The following AGAP1 variants were observed in gnomAD, a reference collection of about 807,000 sequenced individuals.
AGAP1 encodes ArfGAP with GTPase domain, ankyrin repeat and PH domain 1.
In AGAP1, 29 loss-of-function variants were observed where a neutral mutation model predicts 105.3. That is an observed-to-expected ratio of 0.28 (90% CI 0.21 to 0.38). AGAP1 has a LOEUF of 0.38. Ranked by LOEUF, AGAP1 falls within the 10% of genes least tolerant of loss-of-function variation. The probability of loss-of-function intolerance (pLI) is 1.00; values close to 1 mark genes in which losing one functional copy is unlikely to be tolerated. For missense variants in AGAP1, 998 were observed against 1,165.1 expected (o/e 0.86, Z 2.09); for synonymous variants, 509 against 485.9 (o/e 1.05, Z -0.63).
intron 12 of AGAP1, among the ~76,000 whole-genome samples, chr2:235,941,873 T>C (rs1245751136): frequency 6.6e-6 from 1 of 152,030 alleles, no homozygotes; most frequent in Non-Finnish European, 1.5e-5. Flanking sequence ...GGGCGGACAC[T>C]GAAGGCGAAG....
At chr2:236,084,360 A>AT (rs2125845908) in intron 16 of AGAP1, among the ~76,000 whole-genome samples, 1 of 152,300 alleles carries the variant, frequency 6.6e-6, no homozygotes, top group African/African-American at 2.4e-5. Flanking sequence ...ATCATTCTGG[A>AT]ACGAATGATA....
rs2050520319 is a variant in AGAP1, at chr2:235,891,112, AG to A, written c.1155+7666del. On this transcript the variant is annotated intron_variant, in intron 10 of 17. Coordinates refer to ENST00000304032, the MANE Select transcript of AGAP1 (RefSeq NM_001037131.3). This position sits in a 1 kb window ranked among gnomAD's most constrained non-coding sequence, Gnocchi z 4.2. Reference sequence around the variant, plus strand: ...TTTTCTGCAGGACTGAGGGGTTCCCAGGGTGCAGGACTTTCATAGCTAACAT... The same window carrying A: ...TTTTCTGCAGGACTGAGGGGTTCCCAGGTGCAGGACTTTCATAGCTAACAT... 6.6e-6 allele frequency among the ~76,000 whole-genome samples: 1 copy of A among 152,170 alleles called. No individual in the cohort carries two copies. The highest frequency in any genetic ancestry group is 2.4e-5 in the African/African-American group (1 of 41,448).
At chr2:235,554,191 T>C (rs976066232) in intron 1 of AGAP1, among the ~76,000 whole-genome samples, 6 of 152,262 alleles carry the variant, frequency 3.9e-5, no homozygotes, top group African/African-American at 1.4e-4. Flanking sequence ...TTAGGAACTC[T>C]GATCTTGAGC....
Position 235,799,912 on chromosome 2 carries a change from T to C in AGAP1, c.957+390T>C, listed in dbSNP as rs891376360. Among the ~76,000 whole-genome samples the C allele has an allele frequency of 1.3e-5, 2 of 152,038 alleles. No homozygotes were observed. Among genetic ancestry groups the C allele is most frequent in the African/African-American group, 2.4e-5 (1 of 41,418 alleles). On this transcript the variant is annotated intron_variant, in intron 8 of 17. Coordinates refer to ENST00000304032, the MANE Select transcript of AGAP1 (RefSeq NM_001037131.3). The surrounding 1 kb of genome is among the most constrained non-coding windows in gnomAD (Gnocchi z 5.0). ...CTATTACTGTCCACAGGCCCTCTTCTTCTTCTGCTGGGGTGCCTGGCGCTG... is the reference window on the plus strand; with the variant it reads ...CTATTACTGTCCACAGGCCCTCTTCCTCTTCTGCTGGGGTGCCTGGCGCTG...
At chr2:235,668,687 GTATC>G (rs763633260) in intron 1 of AGAP1, among the ~76,000 whole-genome samples, 30 of 152,216 alleles carry the variant, frequency 2.0e-4, no homozygotes, top group Non-Finnish European at 4.0e-4. Flanking sequence ...TCCTAGACCA[GTATC>G]TATCAGCCCA....
chr2:235,840,449 CT>C (rs973893016), intron 9 of AGAP1, among the ~76,000 whole-genome samples: 1 of 152,236 alleles, frequency 6.6e-6, no homozygotes, highest in African/African-American at 2.4e-5. Flanking sequence ...CCTTAGCCTC[CT>C]TTTCTATACT....
chr2:235,647,273 A>G (rs1947423478), intron 1 of AGAP1, among the ~76,000 whole-genome samples: 1 of 146,950 alleles, frequency 6.8e-6, no homozygotes. Context: ...ATGTGATCAC[A>G]GTCTGCCCTG....
chr2:235,966,298 A>G (rs1427637359), intron 12 of AGAP1, among the ~76,000 whole-genome samples: 3 of 123,608 alleles, frequency 2.4e-5, no homozygotes, highest in African/African-American at 9.2e-5. Flanking sequence ...CTGGGGATGG[A>G]GAAGAGGGGG....
chr2:235,527,918 A>G (rs1223542228), intron 1 of AGAP1, among the ~76,000 whole-genome samples: 1 of 152,238 alleles, frequency 6.6e-6, no homozygotes. Context: ...CAATATCATA[A>G]GTAGAGCATC....
intron 1 of AGAP1, among the ~76,000 whole-genome samples, chr2:235,530,031 C>T (rs1942988137): frequency 6.6e-6 from 1 of 152,112 alleles, no homozygotes; most frequent in Admixed American, 6.5e-5. Context: ...AAATGAGCCC[C>T]CAGACACTAA....
intron 8 of AGAP1, among the ~76,000 whole-genome samples, chr2:235,804,516 G>A (rs1474640717): frequency 6.6e-6 from 1 of 152,208 alleles, no homozygotes; most frequent in African/African-American, 2.4e-5. Flanking sequence ...AGCAGCCGTT[G>A]ACTTAGCCAC....
rs577053781 is a variant in AGAP1 at position 235,729,879 on chromosome 2, A to T, written c.311-11084A>T. ...AGTTTCTTTAAAGGGTTGTAAACAT[A>T]AAAACAAAGAAGGATACAACATGCA... is the stretch of plus-strand genomic sequence containing the variant. On this transcript the variant is annotated intron_variant, in intron 3 of 17. Transcript: ENST00000304032. The surrounding 1 kb of genome is among the most constrained non-coding windows in gnomAD (Gnocchi z 5.0). Among the ~76,000 whole-genome samples the T allele has an allele frequency of 5.9e-5, 9 of 152,252 alleles. No homozygotes were observed. Among genetic ancestry groups the T allele is most frequent in the Non-Finnish European group, 2.9e-5 (2 of 68,030 alleles).
In AGAP1 at chr2:235,875,697, A is replaced by G. The variant is rs2049691984; in HGVS notation, c.1051-7648A>G. 6.6e-6 allele frequency among the ~76,000 whole-genome samples: 1 copy of G among 152,054 alleles called. No homozygotes were observed. The highest frequency in any genetic ancestry group is 2.1e-4 in the South Asian group (1 of 4,812). ...GCATTTGCTTATGGGGCGCCATGAC[A>G]CCAACACATGGAGCCACTTGGAGAC... On this transcript the variant is annotated intron_variant, in intron 9 of 17. Coordinates refer to ENST00000304032, the MANE Select transcript of AGAP1 (RefSeq NM_001037131.3). This position sits in a 1 kb window ranked among gnomAD's most constrained non-coding sequence, Gnocchi z 4.0.
chr2:235,537,397 AGCAGGGAGGCCAG>A (rs1168449025), intron 1 of AGAP1, among the ~76,000 whole-genome samples: 2 of 152,148 alleles, frequency 1.3e-5, no homozygotes, highest in Non-Finnish European at 2.9e-5. Context: ...AGCTCAGGGA[AGCAGGGAGGCCAG>A]GCGGGGAGGC....
intron 12 of AGAP1, among the ~76,000 whole-genome samples, chr2:235,947,532 A>G (rs746732460): frequency 3.9e-5 from 6 of 152,234 alleles, no homozygotes; most frequent in East Asian, 1.9e-4. Flanking sequence ...TTATGCTGCT[A>G]TAAACATGCA....
At chr2:235,537,800 T>C (rs1574797339) in intron 1 of AGAP1, among the ~76,000 whole-genome samples, 1 of 152,188 alleles carries the variant, frequency 6.6e-6, no homozygotes, top group Admixed American at 6.5e-5. Flanking sequence ...CTGCTGGCAG[T>C]CACTTGTGTG....
rs894920607 is a variant in AGAP1, at chr2:235,729,611, C to A, written c.311-11352C>A. On this transcript the variant is annotated intron_variant, in intron 3 of 17. Coordinates refer to ENST00000304032, the MANE Select transcript of AGAP1 (RefSeq NM_001037131.3). The surrounding 1 kb of genome is among the most constrained non-coding windows in gnomAD (Gnocchi z 5.0). ...CTTGGTTATTCTTGGGGACCAAAAT[C>A]CAAGCTAGGATGGGGACAGAGGCCT... is the stretch of plus-strand genomic sequence containing the variant. Among the ~76,000 whole-genome samples, 4 of 152,094 alleles carry A rather than the reference C, an allele frequency of 2.6e-5. No individual in the cohort carries two copies. The highest frequency in any genetic ancestry group is 5.9e-5 in the Non-Finnish European group (4 of 68,036).
chr2:235,923,451 C>T (rs546050631), intron 11 of AGAP1, among the ~76,000 whole-genome samples: 4 of 152,246 alleles, frequency 2.6e-5, no homozygotes, highest in Admixed American at 1.3e-4. Flanking sequence ...CAGGGGCCGC[C>T]ACTCACATCC....
chr2:235,665,814 C>T lies in AGAP1; in HGVS notation c.164-43365C>T, dbSNP rs572109251. The stretch of plus-strand genomic sequence containing the variant: ...CGCGGTTCTGCTAAGATACTGCAAA[C>T]GTGATTACTGGCTGTCAGGTTCTGT... On this transcript the variant is annotated intron_variant, in intron 1 of 17. Coordinates refer to ENST00000304032, the MANE Select transcript of AGAP1 (RefSeq NM_001037131.3). The surrounding 1 kb of genome is among the most constrained non-coding windows in gnomAD (Gnocchi z 5.3). Among the ~76,000 whole-genome samples the T allele has an allele frequency of 6.2e-4, 95 of 152,234 alleles. No homozygotes were observed. In the Middle Eastern group the frequency reaches 0.01, roughly 16 times the overall value.
Sources: allele counts gnomAD v4.1 joint callset (sites outside exome capture counted in the v4.1 genomes callset), GRCh38; gene constraint gnomAD v4.1.1; non-coding constraint Gnocchi (gnomAD v3.1); transcripts MANE v1.5; gene names NCBI Gene and HGNC (gene_info 2026-07-23, HGNC 2026-07-21).